Variants in CDK13 observed in about 807,000 individuals in gnomAD.
CDK13 encodes the protein cyclin dependent kinase 13, also known as cyclin-dependent kinase 13.
A neutral mutation model predicts 137.6 loss-of-function variants in CDK13; 40 were observed. That is an observed-to-expected ratio of 0.29 (90% CI 0.23 to 0.38). The LOEUF (loss-of-function observed/expected upper bound fraction) is 0.38, where lower values mean the gene tolerates loss of function less well. Ranked by LOEUF, CDK13 falls within the 10% of genes least tolerant of loss-of-function variation. The pLI, the probability that CDK13 is intolerant of heterozygous loss-of-function variation, is 1.00. For synonymous variants in CDK13, 869 were observed against 760.1 expected (o/e 1.14, Z -2.36); for missense variants, 1,704 against 1,951.8 (o/e 0.87, Z 2.39).
intron 9 of CDK13, chr7:40,073,258 A>G (rs1024649367): frequency 1.3e-5 from 2 of 152,242 alleles, no homozygotes; most frequent in African/African-American, 2.4e-5. Context: ...AACATGGGTT[A>G]TATGATTTAT....
chr7:40,022,853 GTCT>G (rs1272764850), intron 5 of CDK13, among the ~76,000 whole-genome samples: 2 of 146,872 alleles, frequency 1.4e-5, no homozygotes, highest in South Asian at 2.3e-4. Context: ...TTTTCTTTTC[GTCT>G]TCTTTTTTTT....
Position 40,001,957 on chromosome 7 carries a change from C to T in CDK13, c.2279C>T (p.Thr760Ile). Residue 760 changes from threonine (T) to isoleucine (I), a missense_variant, in exon 5 of 14, where the codon ACC becomes ATC. By Grantham distance (89) the Thr-to-Ile change is moderately conservative (BLOSUM62 -1). This residue lies in a region of CDK13 where 130 missense variants were observed against 362.4 expected (regional missense o/e 0.36). Coordinates refer to ENST00000181839, the MANE Select transcript of CDK13 (RefSeq NM_003718.5). ...GAAATTAAAATTCTCCGGCAGCTTA[C>T]CCATCAGAGTATTATCAATATGAAG... ...IREIKILRQLTHQSIINMKEI... is the reference protein window; with the variant it reads ...IREIKILRQLIHQSIINMKEI... The T allele has an allele frequency of 6.2e-7, 1 of 1,609,550 alleles. No homozygotes were observed. Among genetic ancestry groups the T allele is most frequent in the Non-Finnish European group, 8.5e-7 (1 of 1,176,244 alleles).
intron 9 of CDK13, chr7:40,071,962 C>T (rs1482478894): frequency 6.6e-6 from 1 of 152,134 alleles, no homozygotes; most frequent in East Asian, 1.9e-4. Context: ...AAAGCAGCTG[C>T]CTCAGTTCGC....
At chr7:40,002,169 G>A (rs1249981143) in intron 5 of CDK13, 138 bp downstream of exon 5, 21 of 562,580 alleles carry the variant, frequency 3.7e-5, no homozygotes, top group Non-Finnish European at 5.7e-5. Flanking sequence ...TTTAAGTTTG[G>A]TAGAGTTGAA....
intron 1 of CDK13, among the ~76,000 whole-genome samples, chr7:39,977,822 G>A (rs983629840): frequency 1.3e-4 from 20 of 152,290 alleles, no homozygotes; most frequent in Middle Eastern, 3.4e-3. Flanking sequence ...ACCTAATGTG[G>A]AATAGTAGCT....
chr7:40,063,874 T>C (rs1786212146), intron 9 of CDK13, among the ~76,000 whole-genome samples: 2 of 151,684 alleles, frequency 1.3e-5, no homozygotes, highest in Admixed American at 1.3e-4. Flanking sequence ...GCCAGGCTGG[T>C]CTTGAACTTC....
chr7:40,088,837 T>C (rs1228752200), intron 12 of CDK13, among the ~76,000 whole-genome samples: 2 of 152,146 alleles, frequency 1.3e-5, no homozygotes, highest in Non-Finnish European at 2.9e-5. Context: ...CCTAGCACTT[T>C]GGGAGACTGA....
In CDK13 at chr7:39,950,815, G is replaced by A. The variant is rs1342832330; in HGVS notation, c.174G>A (p.Leu58=). 1 of 1,433,678 alleles carries A rather than the reference G, an allele frequency of 7.0e-7. No individual in the cohort carries two copies. The highest frequency in any genetic ancestry group is 9.1e-7 in the Non-Finnish European group (1 of 1,101,952). 88.8% of individuals were successfully genotyped at this position (1,433,678 alleles called of 1,614,324 possible). Residue 58 remains leucine, a synonymous_variant, in exon 1 of 14, where the codon CTG becomes CTA. Coordinates refer to ENST00000181839, the MANE Select transcript of CDK13 (RefSeq NM_003718.5). ...LLQPPPPPPP[L]LFLAAPGTAA... is the part of the protein sequence containing the mutation. Reference sequence around the variant, plus strand: ...AACCGCCGCCGCCCCCGCCGCCTCTGCTCTTCCTGGCTGCTCCCGGCACGG... The same window carrying A: ...AACCGCCGCCGCCCCCGCCGCCTCTACTCTTCCTGGCTGCTCCCGGCACGG...
chr7:39,966,407 C>G (rs1209057865), intron 1 of CDK13, among the ~76,000 whole-genome samples: 1 of 152,228 alleles, frequency 6.6e-6, no homozygotes, highest in Non-Finnish European at 1.5e-5. Flanking sequence ...GAATCAGCTA[C>G]TGAGGCTTGT....
chr7:40,049,197 A>AT (rs1785821902), intron 7 of CDK13: 1 of 150,194 alleles, frequency 6.7e-6, no homozygotes, highest in Non-Finnish European at 1.5e-5. Context: ...AAAAAAAAAA[A>AT]AAAAAAAAAG....
At chr7:39,973,629 AT>A (rs2116200210) in intron 1 of CDK13, among the ~76,000 whole-genome samples, 1 of 152,188 alleles carries the variant, frequency 6.6e-6, no homozygotes, top group East Asian at 1.9e-4. Context: ...TTTATTATTT[AT>A]TGCTTGTGTT....
chr7:40,042,856 A>G (rs1197453964), intron 5 of CDK13, among the ~76,000 whole-genome samples: 6 of 150,924 alleles, frequency 4.0e-5, no homozygotes, highest in Admixed American at 4.0e-4. Flanking sequence ...CTGCAGCCAC[A>G]GTCTCCAAAC....
chr7:40,094,799 T>G lies in CDK13; in HGVS notation c.4358T>G (p.Leu1453Trp), dbSNP rs1429690092. 6.3e-7 allele frequency: 1 copy of G among 1,594,962 alleles called. No individual in the cohort carries two copies. The highest frequency in any genetic ancestry group is 8.5e-7 in the Non-Finnish European group (1 of 1,171,656). ...ACGGGGCCAGAGAGTACTCATCCTT[T>G]GCCAGCAAAGATGCACAACTATAAC... ...PSTGPESTHP[L>W]PAKMHNYNYG... is the part of the protein sequence containing the mutation. Residue 1453 changes from leucine (L) to tryptophan (W), a missense_variant, in exon 14 of 14, where the codon TTG becomes TGG. Physicochemically the swap from Leu to Trp is moderately conservative, Grantham distance 61 (BLOSUM62 -2). Around this residue, in one of 5 missense-constraint regions of CDK13, gnomAD observed 475 missense variants for 579.3 expected, o/e 0.82. Coordinates refer to ENST00000181839, the MANE Select transcript of CDK13 (RefSeq NM_003718.5).
Position 39,950,512 on chromosome 7 carries a change from C to A in CDK13, c.-130C>A, listed in dbSNP as rs1049548407. 3.2e-6 allele frequency: 4 copies of A among 1,267,924 alleles called. No individual in the cohort carries two copies. Among genetic ancestry groups the A allele is most frequent in the African/African-American group, 1.6e-5 (1 of 64,498 alleles). The allele number at this position is 1,267,924 out of a possible 1,614,324, so 78.5% of individuals were successfully genotyped here. ...CGAGTCCCGACCCGGATTATCGTGGCGCTTTTCCCGGCCGGCTCTGGTGCT... is the reference window on the plus strand; with the variant it reads ...CGAGTCCCGACCCGGATTATCGTGGAGCTTTTCCCGGCCGGCTCTGGTGCT... On this transcript the variant is annotated 5_prime_UTR_variant, in exon 1 of 14. Transcript: ENST00000181839.
At chr7:40,062,660 A>G (rs1294326817) in intron 7 of CDK13, 166 bp from the exon 8 acceptor site, 1 of 633,614 alleles carries the variant, frequency 1.6e-6, no homozygotes, top group Non-Finnish European at 2.8e-6. Flanking sequence ...CATACATTTT[A>G]TGATCTTATA....
chr7:39,976,793 CAT>C (rs886788708), intron 1 of CDK13, among the ~76,000 whole-genome samples: 1 of 152,116 alleles, frequency 6.6e-6, no homozygotes, highest in African/African-American at 2.4e-5. Flanking sequence ...TCTCTCTCAA[CAT>C]ATCTTATTAT....
intron 1 of CDK13, among the ~76,000 whole-genome samples, chr7:39,974,081 A>G (rs1178684131): frequency 6.6e-6 from 1 of 152,208 alleles, no homozygotes; most frequent in South Asian, 2.1e-4. Context: ...GCATTTTCAA[A>G]TGAATTTTAG....
intron 5 of CDK13, among the ~76,000 whole-genome samples, chr7:40,020,923 T>C (rs1434416900): frequency 6.6e-6 from 1 of 151,936 alleles, no homozygotes; most frequent in African/African-American, 2.4e-5. Context: ...AAACACCATC[T>C]CTACCAAAAA....
intron 2 of CDK13, among the ~76,000 whole-genome samples, chr7:39,989,514 A>G (rs1273009783): frequency 6.6e-6 from 1 of 152,172 alleles, no homozygotes; most frequent in African/African-American, 2.4e-5. Context: ...TGAAATAATA[A>G]TTCTTGAGTT....
Sources: gnomAD v4.1 joint callset for allele counts (sites outside exome capture counted in the v4.1 genomes callset) on GRCh38, gnomAD v4.1.1 for gene constraint, gnomAD v4.1.1 regional missense constraint, MANE v1.5 for transcripts, NCBI Gene and HGNC (gene_info 2026-07-23, HGNC 2026-07-21) for gene names.